Variants in NAALADL2 observed in about 807,000 individuals in gnomAD.
The protein encoded by NAALADL2 is inactive N-acetylated-alpha-linked acidic dipeptidase-like protein 2.
Under a neutral mutation model 87.2 loss-of-function variants are expected in NAALADL2, and 76 were observed. That is an observed-to-expected ratio of 0.87 (90% CI 0.72 to 1.05). NAALADL2 has a LOEUF of 1.05. Among genes scored for constraint, NAALADL2 ranks in the 50% least tolerant of loss-of-function variants. NAALADL2 has a pLI of 0.00. For synonymous variants in NAALADL2, 354 were observed against 331.0 expected, an observed-to-expected ratio of 1.07 and a Z score of -0.75; for missense variants, 1,089 against 945.8, an observed-to-expected ratio of 1.15 and a Z score of -1.99.
At chr3:175,291,499 A>T (rs779172147) in intron 4 of NAALADL2, among the ~76,000 whole-genome samples, 53 of 152,232 alleles carry the variant, frequency 3.5e-4, no homozygotes, top group Admixed American at 8.5e-4. Context: ...ACTTATTCCA[A>T]CTCATATATA....
intron 4 of NAALADL2, 139 bp from the exon 5 acceptor site, chr3:175,324,028 CAAAAAAAA>C (rs372517580): frequency 4.6e-6 from 2 of 436,876 alleles, no homozygotes; most frequent in Non-Finnish European, 7.4e-6. Flanking sequence ...AAAAAACAAA[CAAAAAAAA>C]AAAAAAAGAA....
chr3:175,489,098 A>G (rs1385892723), intron 9 of NAALADL2, among the ~76,000 whole-genome samples: 1 of 152,216 alleles, frequency 6.6e-6, no homozygotes, highest in African/African-American at 2.4e-5. Flanking sequence ...TTTGTGGATA[A>G]GTATTTACGC....
intron 5 of NAALADL2, among the ~76,000 whole-genome samples, chr3:175,355,906 G>T (rs1764305824): frequency 6.6e-6 from 1 of 152,112 alleles, no homozygotes. Context: ...ACAAGACCTT[G>T]ACAAATGGGT....
intron 3 of NAALADL2, among the ~76,000 whole-genome samples, chr3:174,787,510 G>A (rs1034952957): frequency 4.3e-5 from 6 of 140,228 alleles, no homozygotes; most frequent in African/African-American, 1.6e-4. Flanking sequence ...TTGACCTCAA[G>A]ATTTGTTAAA....
chr3:174,649,067 G>T (rs2108750676), intron 2 of NAALADL2, among the ~76,000 whole-genome samples: 1 of 152,140 alleles, frequency 6.6e-6, no homozygotes, highest in East Asian at 1.9e-4. Context: ...TTCAAGTGAT[G>T]ATTTTCCTGC....
At chr3:175,426,566 T>C (rs73881500) in intron 5 of NAALADL2, among the ~76,000 whole-genome samples, 1 of 152,196 alleles carries the variant, frequency 6.6e-6, no homozygotes, top group Non-Finnish European at 1.5e-5. Context: ...TGCACAGGTA[T>C]GTAGTGTTAA....
At chr3:175,221,402 A>G (rs912598403) in intron 2 of NAALADL2, among the ~76,000 whole-genome samples, 1 of 152,116 alleles carries the variant, frequency 6.6e-6, no homozygotes, top group Non-Finnish European at 1.5e-5. Context: ...TTTATGGCCT[A>G]GCATATAGGC....
At chr3:174,605,237 C>T (rs942537351) in intron 2 of NAALADL2, among the ~76,000 whole-genome samples, 12 of 152,286 alleles carry the variant, frequency 7.9e-5, no homozygotes, top group African/African-American at 2.9e-4. Context: ...GCGTGAGCAA[C>T]GCAGAAGACG....
chr3:175,743,597 G>A (rs1417900198), intron 12 of NAALADL2, among the ~76,000 whole-genome samples: 1 of 152,348 alleles, frequency 6.6e-6, no homozygotes, highest in East Asian at 1.9e-4. Flanking sequence ...TGAATGCATT[G>A]TGATGGACCA....
At chr3:174,477,856 A>G (rs1423094339) in intron 1 of NAALADL2, among the ~76,000 whole-genome samples, 1 of 152,198 alleles carries the variant, frequency 6.6e-6, no homozygotes, top group East Asian at 1.9e-4. Context: ...TACAAGTACT[A>G]TTCTTTCAAT....
intron 1 of NAALADL2, among the ~76,000 whole-genome samples, chr3:175,015,603 T>C (rs1750707742): frequency 6.6e-6 from 1 of 152,224 alleles, no homozygotes; most frequent in Admixed American, 6.6e-5. Context: ...TGAAATGATA[T>C]TAAATATGAT....
chr3:174,612,374 G>A (rs953335939), intron 2 of NAALADL2, among the ~76,000 whole-genome samples: 1 of 151,976 alleles, frequency 6.6e-6, no homozygotes, highest in Admixed American at 6.5e-5. Flanking sequence ...TTGAATAAAC[G>A]TTCTACTCCA....
At chr3:175,142,043 T>A (rs182061326) in intron 2 of NAALADL2, among the ~76,000 whole-genome samples, 25 of 152,174 alleles carry the variant, frequency 1.6e-4, no homozygotes, top group African/African-American at 6.0e-4. Flanking sequence ...GTTCCAGAAG[T>A]CTTATTCTTT....
chr3:174,615,437 T>C (rs1720358629), intron 2 of NAALADL2, among the ~76,000 whole-genome samples: 6 of 152,112 alleles, frequency 3.9e-5, no homozygotes, highest in Admixed American at 3.3e-4. Context: ...TTAACCAAAA[T>C]GGATTAGAAG....
At chr3:174,680,083 C>A (rs1387172971) in intron 2 of NAALADL2, among the ~76,000 whole-genome samples, 1 of 93,596 alleles carries the variant, frequency 1.1e-5, no homozygotes, top group Non-Finnish European at 2.3e-5. Context: ...AATAATATAA[C>A]CAGGTATTTT....
chr3:175,475,863 A>T (rs12631329), intron 9 of NAALADL2, among the ~76,000 whole-genome samples: 6 of 152,042 alleles, frequency 3.9e-5, no homozygotes, highest in Non-Finnish European at 8.8e-5. Context: ...TCCTATAGGC[A>T]TGCACCACCA....
At chr3:175,228,444 A>C (rs1744470402) in intron 2 of NAALADL2, among the ~76,000 whole-genome samples, 2 of 151,878 alleles carry the variant, frequency 1.3e-5, no homozygotes, top group African/African-American at 4.8e-5. Context: ...TATGCTGAAT[A>C]CATTATAACA....
intron 2 of NAALADL2, among the ~76,000 whole-genome samples, chr3:175,116,167 T>G (rs6767074): frequency 6.6e-6 from 1 of 151,646 alleles, no homozygotes; most frequent in Non-Finnish European, 1.5e-5. Flanking sequence ...CTTTGAAAAC[T>G]GGCACAAGAC....
At chr3:175,469,419 C>T (rs1724557170) in intron 8 of NAALADL2, among the ~76,000 whole-genome samples, 1 of 152,032 alleles carries the variant, frequency 6.6e-6, no homozygotes, top group African/African-American at 2.4e-5. Flanking sequence ...CCCTTATTGA[C>T]ATGTCATATT....
Sources: allele counts gnomAD v4.1 joint callset (sites outside exome capture counted in the v4.1 genomes callset), GRCh38; gene constraint gnomAD v4.1.1; transcripts MANE v1.5; gene names NCBI Gene and HGNC (gene_info 2026-07-23, HGNC 2026-07-21).